The following DISP1 variants were observed in gnomAD, a reference collection of about 807,000 sequenced individuals.
DISP1 encodes protein dispatched homolog 1.
Under a neutral mutation model 37.3 loss-of-function variants are expected in DISP1, and 30 were observed. The ratio of observed to expected loss-of-function variants is 0.80; its 90% CI spans 0.60 to 1.09. DISP1 has a LOEUF of 1.09. Ranked by LOEUF, DISP1 falls within the 50% of genes least tolerant of loss-of-function variation. DISP1 has a pLI of 0.00. For missense variants in DISP1, 1,598 were observed against 1,879.5 expected (o/e 0.85, Z 2.77); for synonymous variants, 634 against 690.2 (o/e 0.92, Z 1.28).
In DISP1 at chr1:222,885,821, C is replaced by T. The variant is rs140095326; in HGVS notation, c.-158-42609C>T. ...GAGGAAATATACGTATATGTACTAA[C>T]ATGTATATAATGTAGCATTCAGAGT... On this transcript the variant is annotated intron_variant, in intron 1 of 8. Transcript: ENST00000675850. 4.2e-3 allele frequency among the ~76,000 whole-genome samples: 637 copies of T among 152,152 alleles called. 13 individuals carry two copies. Among genetic ancestry groups the T allele is most frequent in the Admixed American group, 0.018 (275 of 15,260 alleles).
intron 3 of DISP1, among the ~76,000 whole-genome samples, chr1:222,949,018 T>G (rs1335290133): frequency 1.3e-5 from 2 of 152,230 alleles, no homozygotes; most frequent in African/African-American, 4.8e-5. Flanking sequence ...TCTTTAAGCT[T>G]TAATAAATCT....
At chr1:222,985,616 C>T (rs1678219524) in intron 4 of DISP1, among the ~76,000 whole-genome samples, 2 of 152,126 alleles carry the variant, frequency 1.3e-5, no homozygotes, top group African/African-American at 4.8e-5. Context: ...TGCCACTGCA[C>T]TCTAGCCTGG....
At chr1:222,994,687 G>T (rs564454589) in intron 7 of DISP1, among the ~76,000 whole-genome samples, 198 bp from the exon 8 acceptor site, 1 of 151,700 alleles carries the variant, frequency 6.6e-6, no homozygotes, top group Non-Finnish European at 1.5e-5. Flanking sequence ...AAGGCTTTGC[G>T]CTAAGACAAT....
In DISP1 at chr1:223,005,388, C is replaced by T. The variant is rs767580243; in HGVS notation, c.3991C>T (p.His1331Tyr). The T allele has an allele frequency of 6.2e-7, 1 of 1,613,410 alleles. No individual in the cohort carries two copies. The highest frequency in any genetic ancestry group is 1.3e-5 in the African/African-American group (1 of 74,934). ...AVEGFVHPIT[H>Y]IHHCPCLQGR... ...CGAGGGCTTTGTGCACCCCATCACGCACATCCACCACTGTCCCTGCCTGCA... is the reference window on the plus strand; with the variant it reads ...CGAGGGCTTTGTGCACCCCATCACGTACATCCACCACTGTCCCTGCCTGCA... Residue 1331 changes from histidine (H) to tyrosine (Y), a missense_variant, in exon 9 of 9, where the codon CAC (histidine) becomes TAC (tyrosine). Coordinates refer to ENST00000675850, the MANE Select transcript of DISP1 (RefSeq NM_001377229.1).
rs527879964 is a variant in DISP1, at chr1:222,997,056, A to C, written c.987+2074A>C. On this transcript the variant is annotated intron_variant, in intron 8 of 8. Coordinates refer to ENST00000675850, the MANE Select transcript of DISP1 (RefSeq NM_001377229.1). Reference sequence around the variant, plus strand: ...TCTGTCTCTCTCTCTCTCTCTATATATATATATATATTTGTAAACTACCTC... The same window carrying C: ...TCTGTCTCTCTCTCTCTCTCTATATCTATATATATATTTGTAAACTACCTC... Among the ~76,000 whole-genome samples, 64 of 150,708 alleles carry C rather than the reference A, an allele frequency of 4.2e-4. No individual in the cohort carries two copies. In the South Asian group the frequency reaches 4.8e-3, roughly 11 times the overall value.
chr1:222,981,612 T>G (rs1229971278), intron 3 of DISP1, among the ~76,000 whole-genome samples: 1 of 152,202 alleles, frequency 6.6e-6, no homozygotes, highest in Non-Finnish European at 1.5e-5. Flanking sequence ...TGTTTCTTTT[T>G]AAGAGTGGGT....
intron 7 of DISP1, 75 bp from the exon 8 acceptor site, chr1:222,994,810 C>A: frequency 8.9e-7 from 1 of 1,128,644 alleles, no homozygotes; most frequent in Non-Finnish European, 1.3e-6. Context: ...TGAATTATTT[C>A]CAAATCCTGA....
chr1:223,004,165 T>C lies in DISP1; in HGVS notation c.2768T>C (p.Val923Ala). 6.2e-7 allele frequency: 1 copy of C among 1,614,080 alleles called. No homozygotes were observed. Among genetic ancestry groups the C allele is most frequent in the Non-Finnish European group, 8.5e-7 (1 of 1,179,972 alleles). ...GATATCAATGATACTATCAGGGCAG[T>C]GGTGTTAGAGTTCCAGAGTACCTAC... is the stretch of plus-strand genomic sequence containing the variant. ...RFDINDTIRA[V>A]VLEFQSTYLF... is the part of the protein sequence containing the mutation. Residue 923 changes from valine (V) to alanine (A), a missense_variant, in exon 9 of 9, where the codon GTG becomes GCG. Physicochemically the swap from Val to Ala is moderately conservative, Grantham distance 64. Transcript: ENST00000675850. This position sits in a 1 kb window ranked among gnomAD's most constrained non-coding sequence, Gnocchi z 4.9.
chr1:222,830,045 G>A (rs1665353670), intron 1 of DISP1, among the ~76,000 whole-genome samples: 1 of 152,130 alleles, frequency 6.6e-6, no homozygotes, highest in Admixed American at 6.5e-5. Flanking sequence ...TTTGTAAGTT[G>A]TGATGTTCAG....
chr1:222,965,734 T>C (rs1048416319), intron 3 of DISP1, among the ~76,000 whole-genome samples: 13 of 152,180 alleles, frequency 8.5e-5, no homozygotes, highest in African/African-American at 2.9e-4. Flanking sequence ...CCCCATCAAC[T>C]TTTTAAAATT....
rs189237689 is a variant in DISP1 at position 222,864,661 on chromosome 1, C to A, written c.-159+49583C>A. 2.8e-3 allele frequency among the ~76,000 whole-genome samples: 420 copies of A among 152,240 alleles called. 3 individuals are homozygous for A. The highest frequency in any genetic ancestry group is 9.7e-3 in the African/African-American group (405 of 41,546). On this transcript the variant is annotated intron_variant, in intron 1 of 8. Coordinates refer to ENST00000675850, the MANE Select transcript of DISP1 (RefSeq NM_001377229.1). ...CATCATTGAAAAGATTTCAGAATTTCTAATTATGAAAATTGTAGCTTAAAG... is the reference window on the plus strand; with the variant it reads ...CATCATTGAAAAGATTTCAGAATTTATAATTATGAAAATTGTAGCTTAAAG...
chr1:222,993,652 G>A (rs1890618), intron 7 of DISP1, among the ~76,000 whole-genome samples: 71,623 of 152,006 alleles, frequency 0.47, 18,647 homozygotes, highest in Non-Finnish European at 0.6. Flanking sequence ...AAAACATTAG[G>A]AAATTGAACT....
intron 1 of DISP1, among the ~76,000 whole-genome samples, chr1:222,891,101 G>T (rs1212388753): frequency 6.6e-6 from 1 of 152,178 alleles, no homozygotes; most frequent in Non-Finnish European, 1.5e-5. Flanking sequence ...TTAGCTAGAT[G>T]AAGAGAGGAG....
At chr1:223,001,910 C>A (rs1282839115) in intron 8 of DISP1, among the ~76,000 whole-genome samples, 3 of 152,190 alleles carry the variant, frequency 2.0e-5, no homozygotes, top group African/African-American at 7.2e-5. Context: ...GTACTTTAGT[C>A]ACCAACAATT....
intron 1 of DISP1, among the ~76,000 whole-genome samples, chr1:222,868,020 G>C (rs1669295381): frequency 2.0e-5 from 3 of 152,116 alleles, no homozygotes; most frequent in African/African-American, 7.2e-5. Context: ...ATCAAGAGGA[G>C]GGCGAATGAT....
intron 1 of DISP1, among the ~76,000 whole-genome samples, chr1:222,872,629 G>A (rs1310059532): frequency 2.6e-5 from 4 of 152,024 alleles, no homozygotes; most frequent in Non-Finnish European, 5.9e-5. Flanking sequence ...TATCCCCTTT[G>A]TCATTTTTTA....
Position 223,003,339 on chromosome 1 carries a change from A to G in DISP1, c.1942A>G (p.Met648Val). Residue 648 changes from methionine (M) to valine (V), a missense_variant, in exon 9 of 9, where the codon ATG becomes GTG. Transcript: ENST00000675850. The surrounding 1 kb of genome is among the most constrained non-coding windows in gnomAD (Gnocchi z 4.3). Reference sequence around the variant, plus strand: ...AGCTATATTGGTGAATTACGTTTTGATGGTCACATGGCTTCCAGCAGTTGT... The same window carrying G: ...AGCTATATTGGTGAATTACGTTTTGGTGGTCACATGGCTTCCAGCAGTTGT... Reference protein sequence around the residue: ...GTAILVNYVLMVTWLPAVVVL... With the variant: ...GTAILVNYVLVVTWLPAVVVL... 6.2e-7 allele frequency: 1 copy of G among 1,614,118 alleles called. No homozygotes were observed. The highest frequency in any genetic ancestry group is 8.5e-7 in the Non-Finnish European group (1 of 1,180,034).
intron 1 of DISP1, among the ~76,000 whole-genome samples, chr1:222,927,256 A>T (rs1029193013): frequency 1.3e-5 from 2 of 152,100 alleles, no homozygotes; most frequent in Admixed American, 6.5e-5. Context: ...ATCTAATAAG[A>T]TACCACTTAT....
At chr1:222,844,871 A>G (rs1007368244) in intron 1 of DISP1, among the ~76,000 whole-genome samples, 1 of 152,160 alleles carries the variant, frequency 6.6e-6, no homozygotes, top group African/African-American at 2.4e-5. Flanking sequence ...AACTTCAACA[A>G]TTGCTTACAT....
Sources: allele counts gnomAD v4.1 joint callset (sites outside exome capture counted in the v4.1 genomes callset), GRCh38; gene constraint gnomAD v4.1.1; non-coding constraint Gnocchi (gnomAD v3.1); transcripts MANE v1.5; gene names NCBI Gene and HGNC (gene_info 2026-07-23, HGNC 2026-07-21).